SEMA3A: variants seen among roughly 807,000 people sequenced by gnomAD.
SEMA3A encodes semaphorin-3A.
Under a neutral mutation model 97.9 loss-of-function variants are expected in SEMA3A, and 29 were observed. That is an observed-to-expected ratio of 0.30 (90% CI 0.22 to 0.40). The LOEUF (loss-of-function observed/expected upper bound fraction) is 0.40, where lower values mean the gene tolerates loss of function less well. Among genes scored for constraint, SEMA3A ranks in the 10% least tolerant of loss-of-function variants. The pLI is 1.00. For synonymous variants in SEMA3A, 321 were observed against 323.7 expected, an observed-to-expected ratio of 0.99 and a Z score of 0.09; for missense variants, 763 against 951.3, an observed-to-expected ratio of 0.80 and a Z score of 2.60.
chr7:84,255,386 C>A (rs895065981), intron 3 of SEMA3A, among the ~76,000 whole-genome samples: 2 of 152,024 alleles, frequency 1.3e-5, no homozygotes, highest in Non-Finnish European at 2.9e-5. Context: ...TCCAGACTAT[C>A]TCCCCCAAAG....
chr7:84,203,909 A>G (rs1798422931), intron 3 of SEMA3A, among the ~76,000 whole-genome samples: 1 of 151,866 alleles, frequency 6.6e-6, no homozygotes, highest in Non-Finnish European at 1.5e-5. Flanking sequence ...GGCATTAGAG[A>G]GAATTCTAAA....
chr7:84,150,085 G>T (rs1796583927), intron 1 of SEMA3A, among the ~76,000 whole-genome samples: 1 of 152,152 alleles, frequency 6.6e-6, no homozygotes, highest in Non-Finnish European at 1.5e-5. Context: ...GTTTTGGATT[G>T]AATAGTTGAA....
chr7:84,245,452 G>A (rs1389314347), intron 3 of SEMA3A, among the ~76,000 whole-genome samples: 1 of 151,818 alleles, frequency 6.6e-6, no homozygotes, highest in Non-Finnish European at 1.5e-5. Context: ...GGTCATTTAT[G>A]TTCTTCTCTA....
chr7:84,250,226 TAA>T (rs1177498787), intron 3 of SEMA3A, among the ~76,000 whole-genome samples: 1 of 151,788 alleles, frequency 6.6e-6, no homozygotes, highest in African/African-American at 2.4e-5. Flanking sequence ...TAGAGATATA[TAA>T]AAATTTACAT....
intron 1 of SEMA3A, among the ~76,000 whole-genome samples, chr7:84,137,836 C>T (rs995110983): frequency 2.0e-5 from 3 of 151,874 alleles, no homozygotes; most frequent in Non-Finnish European, 4.4e-5. Context: ...CTCTAAGCAT[C>T]AATTGGAAGA....
intron 15 of SEMA3A, among the ~76,000 whole-genome samples, chr7:83,967,775 T>C (rs186386914): frequency 7.0e-4 from 106 of 152,054 alleles, no homozygotes; most frequent in Non-Finnish European, 3.4e-4. Flanking sequence ...AACAAAAAAC[T>C]ATCAATTTTA....
intron 1 of SEMA3A, among the ~76,000 whole-genome samples, chr7:84,422,301 G>T (rs1249505548): frequency 1.3e-5 from 2 of 151,822 alleles, no homozygotes; most frequent in African/African-American, 4.8e-5. Flanking sequence ...TAGTTTATTT[G>T]CCTAGAGGTG....
intron 1 of SEMA3A, among the ~76,000 whole-genome samples, chr7:84,435,225 C>A (rs1805093563): frequency 6.6e-6 from 1 of 151,180 alleles, no homozygotes; most frequent in African/African-American, 2.4e-5. Flanking sequence ...AAGCTGACAG[C>A]TAAAGAGTGT....
intron 4 of SEMA3A, among the ~76,000 whole-genome samples, chr7:84,083,730 C>T (rs1472159257): frequency 3.3e-5 from 5 of 151,906 alleles, no homozygotes; most frequent in African/African-American, 1.2e-4. Context: ...ATAACCATGA[C>T]TTTTAAGTAA....
rs200343545 is a variant in SEMA3A at position 84,011,333 on chromosome 7, A to G, written c.811-36T>C. 1,450 of 1,246,414 alleles carry G rather than the reference A, an allele frequency of 1.2e-3. 1 individual carries two copies. Among genetic ancestry groups the G allele is most frequent in the Non-Finnish European group, 1.4e-3 (1,211 of 850,508 alleles). 77.2% of individuals were successfully genotyped at this position (1,246,414 alleles called of 1,614,324 possible). ...GGAACACCAGTGTTAGGCACTGTTA[A>G]TGAAAATGATAATTTGAAACATTTC... is the stretch of plus-strand genomic sequence containing the variant. On this transcript the variant is annotated intron_variant, in intron 7 of 16. Coordinates refer to ENST00000265362, the MANE Select transcript of SEMA3A (RefSeq NM_006080.3).
chr7:84,012,612 A>G (rs927392984), intron 7 of SEMA3A, among the ~76,000 whole-genome samples: 4 of 152,236 alleles, frequency 2.6e-5, no homozygotes, highest in Non-Finnish European at 5.9e-5. Flanking sequence ...CAAATATTTT[A>G]TAAGCTGAAG....
At chr7:84,405,662 A>G (rs1804060855) in intron 1 of SEMA3A, among the ~76,000 whole-genome samples, 1 of 152,192 alleles carries the variant, frequency 6.6e-6, no homozygotes, top group African/African-American at 2.4e-5. Flanking sequence ...ACTCCTCAGC[A>G]AATGTAAAAG....
intron 4 of SEMA3A, among the ~76,000 whole-genome samples, chr7:84,095,346 A>T (rs113364945): frequency 0.49 from 55,868 of 114,046 alleles, 13,263 homozygotes; most frequent in Admixed American, 0.59. Flanking sequence ...TATATTTTAT[A>T]TTTTTTATAT....
chr7:83,999,750 T>A (rs1790363449), intron 12 of SEMA3A, among the ~76,000 whole-genome samples: 1 of 152,106 alleles, frequency 6.6e-6, no homozygotes, highest in Non-Finnish European at 1.5e-5. Flanking sequence ...AATACAGAAG[T>A]AAGAGACTCT....
chr7:84,449,162 AG>A (rs1288529598), intron 1 of SEMA3A, among the ~76,000 whole-genome samples: 1 of 152,214 alleles, frequency 6.6e-6, no homozygotes, highest in African/African-American at 2.4e-5. Flanking sequence ...CATGGTCTAA[AG>A]GTAAGACCTA....
At chr7:84,413,336 G>C (rs1176667801) in intron 1 of SEMA3A, among the ~76,000 whole-genome samples, 2 of 152,102 alleles carry the variant, frequency 1.3e-5, no homozygotes, top group African/African-American at 4.8e-5. Context: ...AGAATATACT[G>C]TAGAAAGCAG....
intron 2 of SEMA3A, among the ~76,000 whole-genome samples, chr7:84,317,604 T>G (rs1801539789): frequency 6.6e-6 from 1 of 152,202 alleles, no homozygotes; most frequent in Non-Finnish European, 1.5e-5. Flanking sequence ...TTATTGATAT[T>G]ATTCTTCATT....
chr7:84,128,418 A>C (rs1795865601), intron 3 of SEMA3A, among the ~76,000 whole-genome samples: 1 of 152,178 alleles, frequency 6.6e-6, no homozygotes, highest in African/African-American at 2.4e-5. Context: ...GAAGAATTCA[A>C]GGGGAATTAA....
chr7:84,193,386 C>T (rs1252037951), intron 1 of SEMA3A, among the ~76,000 whole-genome samples: 4 of 151,876 alleles, frequency 2.6e-5, no homozygotes, highest in African/African-American at 9.7e-5. Flanking sequence ...TCTACAAATA[C>T]CTTCAATAAT....
Sources: gnomAD v4.1 joint callset for allele counts (sites outside exome capture counted in the v4.1 genomes callset) on GRCh38, gnomAD v4.1.1 for gene constraint, MANE v1.5 for transcripts, NCBI Gene and HGNC (gene_info 2026-07-23, HGNC 2026-07-21) for gene names.